The following TNFRSF8 variants were observed in gnomAD, a reference collection of about 807,000 sequenced individuals.
TNFRSF8 encodes the protein TNF receptor superfamily member 8, also known as tumor necrosis factor receptor superfamily member 8.
Under a neutral mutation model 70.8 loss-of-function variants are expected in TNFRSF8, and 26 were observed. The observed-to-expected ratio is 0.37, with a 90% confidence interval of 0.27 to 0.51. The LOEUF (loss-of-function observed/expected upper bound fraction) is 0.51, where lower values mean the gene tolerates loss of function less well. Ranked by LOEUF, TNFRSF8 falls within the 20% of genes least tolerant of loss-of-function variation. TNFRSF8 has a pLI of 0.94. For missense variants in TNFRSF8, 720 were observed against 807.9 expected (o/e 0.89, Z 1.32); for synonymous variants, 356 against 339.2 (o/e 1.05, Z -0.54).
At chr1:12,114,995 C>A (rs1312691413) in intron 7 of TNFRSF8, among the ~76,000 whole-genome samples, 1 of 152,016 alleles carries the variant, frequency 6.6e-6, no homozygotes, top group Non-Finnish European at 1.5e-5. Flanking sequence ...TCGTGAGCCA[C>A]CGTGTCTGGC....
chr1:12,123,667 T>C, intron 9 of TNFRSF8, 48 bp from the exon 10 acceptor site: 1 of 1,466,070 alleles, frequency 6.8e-7, no homozygotes, highest in Middle Eastern at 1.7e-4. Flanking sequence ...GAAGACCCAC[T>C]TCCCTCTTCC....
intron 13 of TNFRSF8, among the ~76,000 whole-genome samples, chr1:12,137,742 G>C (rs1333838683): frequency 2.6e-5 from 4 of 152,008 alleles, no homozygotes; most frequent in Admixed American, 1.3e-4. Context: ...AGCTGGAGGG[G>C]CTGCTCCAGG....
At chr1:12,136,284 C>G (rs11121878) in intron 13 of TNFRSF8, among the ~76,000 whole-genome samples, 3,908 of 152,220 alleles carry the variant, frequency 0.026, 210 homozygotes, top group East Asian at 0.24. Flanking sequence ...AAGAGGTATT[C>G]AACAATTTGT....
intron 1 of TNFRSF8, among the ~76,000 whole-genome samples, chr1:12,075,196 A>T (rs1332157236): frequency 6.6e-6 from 1 of 151,554 alleles, no homozygotes; most frequent in Non-Finnish European, 1.5e-5. Context: ...GTGAGCCGAG[A>T]TTGCACCACT....
chr1:12,135,464 C>T (rs1156533327), intron 12 of TNFRSF8, 124 bp from the exon 13 acceptor site: 38 of 1,379,914 alleles, frequency 2.8e-5, no homozygotes, highest in Non-Finnish European at 3.6e-5. Context: ...AGACTGAGGA[C>T]CTGACCCCTG....
intron 10 of TNFRSF8, among the ~76,000 whole-genome samples, chr1:12,124,413 C>T (rs931922087): frequency 8.5e-5 from 13 of 152,216 alleles, no homozygotes; most frequent in African/African-American, 3.1e-4. Context: ...TGATTGATTT[C>T]ATGACTTTGA....
Position 12,109,592 on chromosome 1 carries a change from G to A in TNFRSF8, c.448G>A (p.Glu150Lys), listed in dbSNP as rs1641589364. 2 of 1,613,708 alleles carry A rather than the reference G, an allele frequency of 1.2e-6. No homozygotes were observed. The highest frequency in any genetic ancestry group is 1.7e-6 in the Non-Finnish European group (2 of 1,179,966). The change falls in exon 5 of 15, where the codon GAG (glutamate) becomes AAG (lysine). Residue 150 changes from glutamate (E) to lysine (K), a missense_variant. Physicochemically the swap from Glu to Lys is moderately conservative, Grantham distance 56 (BLOSUM62 1). Transcript: ENST00000263932. The surrounding 1 kb of genome is among the most constrained non-coding windows in gnomAD (Gnocchi z 4.4). ...PGTAQKNTVC[E>K]PASPGVSPAC... ...CACGGCGCAGAAGAACACGGTCTGTGAGCCGGCTTCCCCAGGGGTCAGCCC... is the reference window on the plus strand; with the variant it reads ...CACGGCGCAGAAGAACACGGTCTGTAAGCCGGCTTCCCCAGGGGTCAGCCC...
chr1:12,096,196 A>G (rs868438085), intron 2 of TNFRSF8, among the ~76,000 whole-genome samples: 10 of 151,756 alleles, frequency 6.6e-5, no homozygotes, highest in Non-Finnish European at 1.2e-4. Context: ...TGATGGGAAG[A>G]AGTATTCTGA....
rs1054886859 is a variant in TNFRSF8, at chr1:12,134,360, G to T, written c.1310-1228G>T. Among the ~76,000 whole-genome samples, 17 of 152,334 alleles carry T rather than the reference G, an allele frequency of 1.1e-4. No individual in the cohort carries two copies. In the East Asian group the frequency reaches 3.1e-3, roughly 28 times the overall value. On this transcript the variant is annotated intron_variant, in intron 12 of 14. Coordinates refer to ENST00000263932, the MANE Select transcript of TNFRSF8 (RefSeq NM_001243.5). ...AAAAGCTGGGCATCCCTGGAGGATGGTCTGCTCTGGGAACTGACTTGCTCC... is the reference window on the plus strand; with the variant it reads ...AAAAGCTGGGCATCCCTGGAGGATGTTCTGCTCTGGGAACTGACTTGCTCC...
At chr1:12,069,953 G>T (rs1640813216) in intron 1 of TNFRSF8, among the ~76,000 whole-genome samples, 1 of 152,180 alleles carries the variant, frequency 6.6e-6, no homozygotes, top group Non-Finnish European at 1.5e-5. Context: ...CCAGGCCCAG[G>T]GGGTAAAAGC....
intron 1 of TNFRSF8, among the ~76,000 whole-genome samples, chr1:12,066,676 A>G (rs887176634): frequency 7.2e-6 from 1 of 137,946 alleles, no homozygotes; most frequent in Admixed American, 7.6e-5. Context: ...ATTTTTTGGG[A>G]CAGTCTCACT....
chr1:12,134,098 C>T (rs761664805), intron 12 of TNFRSF8, among the ~76,000 whole-genome samples: 28 of 152,294 alleles, frequency 1.8e-4, no homozygotes, highest in Admixed American at 5.2e-4. Context: ...GTCCACACAG[C>T]GTGTTCAAAT....
rs1032617133 is a variant in TNFRSF8, at chr1:12,113,843, C to T, written c.794-1734C>T. Reference sequence around the variant, plus strand: ...ACCTGGCCTTGGAAGTCACACAGAACTTCTACCACTTTCTGTTTGTTGAGG... The same window carrying T: ...ACCTGGCCTTGGAAGTCACACAGAATTTCTACCACTTTCTGTTTGTTGAGG... On this transcript the variant is annotated intron_variant, in intron 7 of 14. Coordinates refer to ENST00000263932, the MANE Select transcript of TNFRSF8 (RefSeq NM_001243.5). This position sits in a 1 kb window ranked among gnomAD's most constrained non-coding sequence, Gnocchi z 4.9. Among the ~76,000 whole-genome samples, 2 of 152,206 alleles carry T rather than the reference C, an allele frequency of 1.3e-5. No homozygotes were observed. The highest frequency in any genetic ancestry group is 4.8e-5 in the African/African-American group (2 of 41,452).
At chr1:12,081,453 GC>G (rs953349164) in intron 1 of TNFRSF8, among the ~76,000 whole-genome samples, 1 of 151,930 alleles carries the variant, frequency 6.6e-6, no homozygotes, top group Non-Finnish European at 1.5e-5. Flanking sequence ...GCAGGTTCCT[GC>G]CCCCCTGGAG....
rs530571063 is a variant in TNFRSF8 at position 12,065,303 on chromosome 1, G to A, written c.63+1642G>A. Among the ~76,000 whole-genome samples the A allele has an allele frequency of 3.3e-5, 5 of 151,778 alleles. No homozygotes were observed. The South Asian group carries it at 8.3e-4, about 25-fold the overall frequency. ...TCACCATGTTGGTCAGTCTGGTCTC[G>A]AACTCCTGACCTCAAGTGATCCTTC... On this transcript the variant is annotated intron_variant, in intron 1 of 14. Transcript: ENST00000263932.
intron 10 of TNFRSF8, among the ~76,000 whole-genome samples, chr1:12,124,159 C>T (rs995847853): frequency 2.6e-5 from 4 of 152,116 alleles, no homozygotes; most frequent in African/African-American, 7.2e-5. Flanking sequence ...CGCTTGCCAC[C>T]ACGCCTGGCT....
chr1:12,076,211 C>T (rs985090691), intron 1 of TNFRSF8, among the ~76,000 whole-genome samples: 1 of 148,540 alleles, frequency 6.7e-6, no homozygotes, highest in African/African-American at 2.5e-5. Context: ...AGCGATTCTT[C>T]TGCCTCAGCC....
chr1:12,106,679 G>A (rs923248573), intron 4 of TNFRSF8, among the ~76,000 whole-genome samples: 2 of 152,062 alleles, frequency 1.3e-5, no homozygotes, highest in Non-Finnish European at 2.9e-5. Context: ...TTCCAGGGTC[G>A]GGGGAGAGCG....
rs11569885 is a variant in TNFRSF8 at position 12,111,853 on chromosome 1, T to C, written c.677-45T>C. 130 of 1,574,858 alleles carry C rather than the reference T, an allele frequency of 8.3e-5. 2 individuals are homozygous for C. Among genetic ancestry groups the C allele is most frequent in the East Asian group, 6.3e-4 (28 of 44,706 alleles). ...CAGGGTTGGGTGGGGAGTGAGGCCTTTGCCAAGGCGGCCTGGCCTGCAGCT... is the reference window on the plus strand; with the variant it reads ...CAGGGTTGGGTGGGGAGTGAGGCCTCTGCCAAGGCGGCCTGGCCTGCAGCT... On this transcript the variant is annotated intron_variant, in intron 6 of 14. Coordinates refer to ENST00000263932, the MANE Select transcript of TNFRSF8 (RefSeq NM_001243.5).
Sources: gnomAD v4.1 joint callset for allele counts (sites outside exome capture counted in the v4.1 genomes callset) on GRCh38, gnomAD v4.1.1 for gene constraint, Gnocchi (gnomAD v3.1) non-coding constraint, MANE v1.5 for transcripts, NCBI Gene and HGNC (gene_info 2026-07-23, HGNC 2026-07-21) for gene names.